DLGAP2: variants seen among roughly 807,000 people sequenced by gnomAD.
The protein encoded by DLGAP2 is disks large-associated protein 2.
A neutral mutation model predicts 100.3 loss-of-function variants in DLGAP2; 26 were observed. The observed-to-expected ratio is 0.26, with a 90% CI of 0.19 to 0.36. The LOEUF is 0.36. Ranked by LOEUF, DLGAP2 falls within the 10% of genes least tolerant of loss-of-function variation. DLGAP2 has a pLI of 1.00. For synonymous variants in DLGAP2, 886 were observed against 630.1 expected (o/e 1.41, Z -6.08); for missense variants, 1,858 against 1,453.2 (o/e 1.28, Z -4.53).
chr8:798,663 C>G (rs1170386669), intron 1 of DLGAP2, among the ~76,000 whole-genome samples: 2 of 133,688 alleles, frequency 1.5e-5, no homozygotes, highest in South Asian at 2.6e-4. Context: ...TCCGTTGGCA[C>G]TGAAAGCAAA....
chr8:1,237,188 T>TCTA (rs1798678841), intron 2 of DLGAP2, among the ~76,000 whole-genome samples: 8 of 139,164 alleles, frequency 5.7e-5, no homozygotes, highest in South Asian at 2.3e-4. Flanking sequence ...TGGCGCCGTG[T>TCTA]GTAGTTCTCT....
At chr8:883,034 A>G (rs896405147) in intron 1 of DLGAP2, among the ~76,000 whole-genome samples, 3 of 152,230 alleles carry the variant, frequency 2.0e-5, no homozygotes, top group South Asian at 2.1e-4. Context: ...CTCTAACACA[A>G]TCTTCCTGGG....
chr8:909,360 TTACTC>T (rs1237962011), intron 2 of DLGAP2, among the ~76,000 whole-genome samples: 1 of 152,180 alleles, frequency 6.6e-6, no homozygotes, highest in Non-Finnish European at 1.5e-5. Flanking sequence ...AGGTGAATCA[TTACTC>T]TAAGAAACAT....
At chr8:1,376,565 C>T (rs1465876798) in intron 3 of DLGAP2, among the ~76,000 whole-genome samples, 1 of 152,192 alleles carries the variant, frequency 6.6e-6, no homozygotes, top group Non-Finnish European at 1.5e-5. Flanking sequence ...AGAAGCTGCT[C>T]TCCTCCTGCT....
chr8:1,189,224 G>A lies in DLGAP2; in HGVS notation c.74-69627G>A, dbSNP rs114793924. Among the ~76,000 whole-genome samples the A allele has an allele frequency of 4.0e-5, 5 of 124,090 alleles. 1 individual carries two copies. The highest frequency in any genetic ancestry group is 2.9e-4 in the African/African-American group (5 of 17,434). 81.4% of individuals were successfully genotyped at this position (124,090 alleles called of 152,430 possible). ...TACACAGGATTTGGGCCCCAGGCCG[G>A]TTCCGCGGTTGGGGTTGAGCATACA... On this transcript the variant is annotated intron_variant, in intron 2 of 14. Transcript: ENST00000637795.
intron 3 of DLGAP2, among the ~76,000 whole-genome samples, chr8:1,363,018 C>A (rs926161767): frequency 6.6e-6 from 1 of 152,234 alleles, no homozygotes. Flanking sequence ...CCGCCGGACA[C>A]AGGCCTGAGC....
At chr8:1,552,269 G>C (rs927823226) in intron 5 of DLGAP2, among the ~76,000 whole-genome samples, 1 of 152,204 alleles carries the variant, frequency 6.6e-6, no homozygotes, top group Non-Finnish European at 1.5e-5. Context: ...GAGCAGCCAC[G>C]GCTTTCATGG....
At chr8:910,899 G>A (rs377680191) in intron 2 of DLGAP2, among the ~76,000 whole-genome samples, 3 of 152,064 alleles carry the variant, frequency 2.0e-5, no homozygotes, top group East Asian at 1.9e-4. Flanking sequence ...TCCTGGATGC[G>A]CCACCACATT....
intron 3 of DLGAP2, among the ~76,000 whole-genome samples, chr8:1,377,233 A>G (rs1166607266): frequency 1.3e-5 from 2 of 152,220 alleles, no homozygotes; most frequent in Non-Finnish European, 2.9e-5. Context: ...GGGGCCAGCC[A>G]GGAGGGGGCT....
chr8:1,596,541 C>T (rs1467446764), intron 6 of DLGAP2, among the ~76,000 whole-genome samples: 2 of 152,152 alleles, frequency 1.3e-5, no homozygotes, highest in Non-Finnish European at 2.9e-5. Context: ...TCTGTTGTTT[C>T]CTGGCTTTTT....
At chr8:1,554,336 G>C (rs1407858172) in intron 5 of DLGAP2, among the ~76,000 whole-genome samples, 2 of 152,074 alleles carry the variant, frequency 1.3e-5, no homozygotes, top group Non-Finnish European at 2.9e-5. Context: ...AAAATGGTTT[G>C]TCATGGAATG....
At chr8:1,569,976 G>A (rs1802589718) in intron 6 of DLGAP2, among the ~76,000 whole-genome samples, 1 of 152,362 alleles carries the variant, frequency 6.6e-6, no homozygotes, top group East Asian at 1.9e-4. Flanking sequence ...CAGTGGCGGA[G>A]GCCAGGGTAG....
intron 2 of DLGAP2, among the ~76,000 whole-genome samples, chr8:1,177,961 A>G (rs17753504): frequency 0.042 from 6,368 of 152,304 alleles, 202 homozygotes; most frequent in East Asian, 0.15. Flanking sequence ...TCAGTGATCG[A>G]CATCTCCAAC....
At chr8:970,866 A>G (rs1227412666) in intron 2 of DLGAP2, among the ~76,000 whole-genome samples, 3 of 152,236 alleles carry the variant, frequency 2.0e-5, no homozygotes, top group Non-Finnish European at 2.9e-5. Flanking sequence ...ACCCCAGACT[A>G]TCTTAACCTT....
At chr8:962,929 G>C (rs899288643) in intron 2 of DLGAP2, among the ~76,000 whole-genome samples, 1 of 152,206 alleles carries the variant, frequency 6.6e-6, no homozygotes, top group African/African-American at 2.4e-5. Flanking sequence ...GGTACCGACT[G>C]CAGCAGCCCA....
chr8:1,668,966 G>C (rs1476978421), intron 9 of DLGAP2, among the ~76,000 whole-genome samples: 1 of 152,192 alleles, frequency 6.6e-6, no homozygotes, highest in Admixed American at 6.5e-5. Flanking sequence ...CGGGCCACTT[G>C]TTTTCCAAGG....
intron 2 of DLGAP2, among the ~76,000 whole-genome samples, chr8:1,038,943 T>A (rs1802213515): frequency 6.6e-6 from 1 of 152,236 alleles, no homozygotes; most frequent in African/African-American, 2.4e-5. Flanking sequence ...GATGCTTTCG[T>A]GTCTCTCCAA....
At chr8:1,569,792 C>T (rs1277935673) in intron 6 of DLGAP2, among the ~76,000 whole-genome samples, 1 of 152,212 alleles carries the variant, frequency 6.6e-6, no homozygotes, top group Non-Finnish European at 1.5e-5. Flanking sequence ...GCCCATGGCA[C>T]TGCTCTGTGG....
chr8:943,996 A>G (rs1799255771), intron 2 of DLGAP2, among the ~76,000 whole-genome samples: 1 of 152,270 alleles, frequency 6.6e-6, no homozygotes, highest in African/African-American at 2.4e-5. Flanking sequence ...ATTAATTTTG[A>G]GATTACAAAC....
Sources: gnomAD v4.1 joint callset for allele counts (sites outside exome capture counted in the v4.1 genomes callset) on GRCh38, gnomAD v4.1.1 for gene constraint, MANE v1.5 for transcripts, NCBI Gene and HGNC (gene_info 2026-07-23, HGNC 2026-07-21) for gene names.